SLC7A2: variants seen among roughly 807,000 people sequenced by gnomAD.
The protein encoded by SLC7A2 is cationic amino acid transporter 2.
SLC7A2 carries 48 observed loss-of-function variants against 58.9 expected under a neutral mutation model. That is an observed-to-expected ratio of 0.82 (90% CI 0.65 to 1.04). SLC7A2 has a LOEUF of 1.04. SLC7A2 is among the 50% of genes least tolerant of loss of function. The pLI is 0.00. For missense variants in SLC7A2, 1,029 were observed against 818.8 expected (o/e 1.26, Z -3.13); for synonymous variants, 363 against 314.5 (o/e 1.15, Z -1.63).
chr8:17,538,268 C>G (rs1333800275), intron 2 of SLC7A2, among the ~76,000 whole-genome samples: 1 of 152,042 alleles, frequency 6.6e-6, no homozygotes, highest in Admixed American at 6.6e-5. Context: ...TTTGTTTTTA[C>G]CTATGTCTAC....
intron 12 of SLC7A2, among the ~76,000 whole-genome samples, chr8:17,564,474 A>T (rs1257057637): frequency 3.3e-5 from 5 of 152,182 alleles, no homozygotes; most frequent in Non-Finnish European, 7.3e-5. Context: ...TCATTCTTCT[A>T]AAGCAGCGGT....
At chr8:17,501,035 A>G (rs961405718) in intron 1 of SLC7A2, among the ~76,000 whole-genome samples, 1 of 150,162 alleles carries the variant, frequency 6.7e-6, no homozygotes, top group Admixed American at 6.6e-5. Context: ...CTGTTTTGAG[A>G]CAGAGTCTCG....
Position 17,569,863 on chromosome 8 carries a change from C to T in SLC7A2, c.*4717C>T, listed in dbSNP as rs535044739. 43 of 152,254 alleles carry T rather than the reference C, an allele frequency of 2.8e-4. No homozygotes were observed. Among genetic ancestry groups the T allele is most frequent in the African/African-American group, 1.0e-3 (42 of 41,542 alleles). The allele number at this position is 152,254 out of a possible 1,614,324, so 9.4% of individuals were successfully genotyped here. ...AGCCCCGTGGAGATCATAATCAGGG[C>T]CCCAGGCTGGTTCCAGGATCAGGCA... On this transcript the variant is annotated 3_prime_UTR_variant, in exon 13 of 13. Transcript: ENST00000494857.
intron 2 of SLC7A2, among the ~76,000 whole-genome samples, chr8:17,528,078 C>T (rs978644453): frequency 2.0e-5 from 3 of 152,000 alleles, no homozygotes; most frequent in African/African-American, 4.8e-5. Context: ...TGCAGAACGC[C>T]CTGGGGCACT....
chr8:17,551,104 A>C (rs1477952400), intron 6 of SLC7A2, among the ~76,000 whole-genome samples: 1 of 152,150 alleles, frequency 6.6e-6, no homozygotes, highest in African/African-American at 2.4e-5. Context: ...TAGATGAATC[A>C]TTTTCCAAAT....
At chr8:17,503,179 T>C (rs1158101244) in intron 2 of SLC7A2, among the ~76,000 whole-genome samples, 1 of 151,860 alleles carries the variant, frequency 6.6e-6, no homozygotes, top group Non-Finnish European at 1.5e-5. Context: ...GCCTCCCGAG[T>C]AGCTGGGACT....
chr8:17,554,063 T>A (rs979267557), intron 7 of SLC7A2, among the ~76,000 whole-genome samples: 1 of 152,172 alleles, frequency 6.6e-6, no homozygotes, highest in African/African-American at 2.4e-5. Flanking sequence ...AAGATCAGGG[T>A]GTATGAGAAA....
At chr8:17,546,134 C>T (rs916119400) in intron 4 of SLC7A2, among the ~76,000 whole-genome samples, 6 of 152,082 alleles carry the variant, frequency 3.9e-5, no homozygotes, top group Non-Finnish European at 8.8e-5. Context: ...ACCAGTCTAG[C>T]GTTAAATTAT....
In SLC7A2 at chr8:17,563,750, G is replaced by C. The variant is rs753230772; in HGVS notation, c.1780+39G>C. 4 of 1,208,104 alleles carry C rather than the reference G, an allele frequency of 3.3e-6. No homozygotes were observed. The East Asian group carries it at 9.4e-5, about 28-fold the overall frequency. 74.8% of individuals were successfully genotyped at this position (1,208,104 alleles called of 1,614,324 possible). A position where few individuals can be genotyped will look rare whatever the true frequency, so the allele number is the denominator to read the frequency against. Reference sequence around the variant, plus strand: ...TGTCGGGTTCTCTTTCCTATTTCATGTGCTGTGATGAGAGAAACATGCCCT... The same window carrying C: ...TGTCGGGTTCTCTTTCCTATTTCATCTGCTGTGATGAGAGAAACATGCCCT... On this transcript the variant is annotated intron_variant, in intron 12 of 12. Coordinates refer to ENST00000494857, the MANE Select transcript of SLC7A2 (RefSeq NM_001370338.1).
intron 2 of SLC7A2, among the ~76,000 whole-genome samples, chr8:17,518,668 A>T (rs949518280): frequency 1.3e-5 from 2 of 152,178 alleles, no homozygotes; most frequent in African/African-American, 4.8e-5. Context: ...TTTATTTTTT[A>T]ATTGCAAAGC....
At chr8:17,558,927 G>A (rs535593085) in intron 9 of SLC7A2, among the ~76,000 whole-genome samples, 8 of 152,256 alleles carry the variant, frequency 5.3e-5, no homozygotes, top group African/African-American at 1.9e-4. Context: ...TATATATAGT[G>A]TCTGAACTTA....
intron 2 of SLC7A2, chr8:17,538,957 T>C (rs776256334): frequency 5.0e-6 from 8 of 1,589,204 alleles, no homozygotes; most frequent in South Asian, 2.2e-5. Flanking sequence ...GATACTGATA[T>C]AGAAGATTAA....
At chr8:17,535,595 A>G (rs1487184081) in intron 2 of SLC7A2, among the ~76,000 whole-genome samples, 1 of 152,174 alleles carries the variant, frequency 6.6e-6, no homozygotes, top group African/African-American at 2.4e-5. Flanking sequence ...AAGTAGTGGA[A>G]GTATTTATAA....
At chr8:17,538,127 T>C (rs1195101719) in intron 2 of SLC7A2, among the ~76,000 whole-genome samples, 3 of 152,230 alleles carry the variant, frequency 2.0e-5, no homozygotes, top group African/African-American at 7.2e-5. Flanking sequence ...GTCTGGATTC[T>C]ATATCAGAAA....
intron 4 of SLC7A2, among the ~76,000 whole-genome samples, chr8:17,547,026 C>T (rs189001328): frequency 3.3e-5 from 5 of 152,054 alleles, no homozygotes; most frequent in Admixed American, 2.0e-4. Flanking sequence ...AACTTTTCTA[C>T]ATGTACATAA....
intron 2 of SLC7A2, among the ~76,000 whole-genome samples, chr8:17,526,078 G>C (rs960068834): frequency 6.6e-6 from 1 of 152,052 alleles, no homozygotes; most frequent in African/African-American, 2.4e-5. Context: ...TAATTCTATG[G>C]ACTGTAACCC....
At chr8:17,502,034 G>C (rs181351636) in intron 1 of SLC7A2, among the ~76,000 whole-genome samples, 1 of 151,546 alleles carries the variant, frequency 6.6e-6, no homozygotes, top group African/African-American at 2.4e-5. Flanking sequence ...ACCCATTTTG[G>C]CTTCATCAAG....
intron 1 of SLC7A2, among the ~76,000 whole-genome samples, chr8:17,500,802 ACACACACACACACACACACAC>A (rs1800126575): frequency 4.8e-4 from 1 of 2,094 alleles, no homozygotes; most frequent in Admixed American, 7.8e-3. Flanking sequence ...ACACACATAC[ACACACACACACACACACACAC>A]ACACACACAC....
chr8:17,543,797 G>A, intron 3 of SLC7A2, 82 bp downstream of exon 3: 1 of 1,281,254 alleles, frequency 7.8e-7, no homozygotes, highest in Non-Finnish European at 1.1e-6. Context: ...TCAGTTGTAG[G>A]TGTTGGGTAC....
Sources: allele counts gnomAD v4.1 joint callset (sites outside exome capture counted in the v4.1 genomes callset), GRCh38; gene constraint gnomAD v4.1.1; transcripts MANE v1.5; gene names NCBI Gene and HGNC (gene_info 2026-07-23, HGNC 2026-07-21).